The following IL23R variants were observed in gnomAD, a reference collection of about 807,000 sequenced individuals.
IL23R encodes the protein interleukin-23 receptor.
In IL23R, 34 loss-of-function variants were observed where a neutral mutation model predicts 56.9. That is an observed-to-expected ratio of 0.60 (90% CI 0.45 to 0.80). The LOEUF (loss-of-function observed/expected upper bound fraction) is 0.80, where lower values mean the gene tolerates loss of function less well. Ranked by LOEUF, IL23R falls within the 30% of genes least tolerant of loss-of-function variation. The pLI, the probability that IL23R is intolerant of heterozygous loss-of-function variation, is 0.00. For missense variants in IL23R, 635 were observed against 730.0 expected, an observed-to-expected ratio of 0.87 and a Z score of 1.50; for synonymous variants, 230 against 249.2, an observed-to-expected ratio of 0.92 and a Z score of 0.73.
chr1:67,223,914 T>A (rs1234139723), intron 7 of IL23R, among the ~76,000 whole-genome samples: 3 of 151,584 alleles, frequency 2.0e-5, no homozygotes, highest in African/African-American at 7.2e-5. Context: ...TAAAGAAGAA[T>A]TATTGCATCA....
At chr1:67,197,996 A>G (rs959873517) in intron 4 of IL23R, among the ~76,000 whole-genome samples, 1 of 152,168 alleles carries the variant, frequency 6.6e-6, no homozygotes, top group African/African-American at 2.4e-5. Context: ...TAATTTATGA[A>G]GAAAAGAGTT....
intron 9 of IL23R, among the ~76,000 whole-genome samples, chr1:67,253,336 T>G (rs567520799): frequency 1.3e-5 from 2 of 152,328 alleles, no homozygotes; most frequent in South Asian, 4.1e-4. Context: ...TTCTAAATTT[T>G]ACTGATGCAT....
At chr1:67,191,565 C>T (rs2102603660) in intron 4 of IL23R, among the ~76,000 whole-genome samples, 1 of 152,274 alleles carries the variant, frequency 6.6e-6, no homozygotes, top group Admixed American at 6.5e-5. Flanking sequence ...ATATAACCCT[C>T]CCTTTGTTCC....
chr1:67,239,139 A>G (rs760744387), intron 8 of IL23R, among the ~76,000 whole-genome samples: 1 of 152,314 alleles, frequency 6.6e-6, no homozygotes, highest in East Asian at 1.9e-4. Flanking sequence ...GGGCTTTTTC[A>G]TGTACCAGGG....
At chr1:67,183,067 C>G (rs1570801947) in intron 4 of IL23R, 108 bp downstream of exon 4, 2 of 1,200,060 alleles carry the variant, frequency 1.7e-6, no homozygotes, top group East Asian at 5.0e-5. Flanking sequence ...AAATATATAC[C>G]CTGATTTATC....
chr1:67,259,291 A>G lies in IL23R; in HGVS notation c.*163A>G. ...ATTTCCCTTGGATAAATACCTAGGTAGGGGATTGCTGGGCCATATGATAAG... is the reference window on the plus strand; with the variant it reads ...ATTTCCCTTGGATAAATACCTAGGTGGGGGATTGCTGGGCCATATGATAAG... On this transcript the variant is annotated 3_prime_UTR_variant, in exon 11 of 11. Coordinates refer to ENST00000347310, the MANE Select transcript of IL23R (RefSeq NM_144701.3). 1.4e-6 allele frequency: 1 copy of G among 704,802 alleles called. No homozygotes were observed. The highest frequency in any genetic ancestry group is 2.7e-5 in the East Asian group (1 of 36,594). 43.7% of individuals were successfully genotyped at this position (704,802 alleles called of 1,614,324 possible).
intron 1 of IL23R, 106 bp downstream of exon 1, chr1:67,166,647 A>C (rs1646876801): frequency 1.3e-5 from 2 of 152,374 alleles, no homozygotes; most frequent in Non-Finnish European, 2.9e-5. Flanking sequence ...TATTCCATGC[A>C]GTGGTTACTG....
intron 9 of IL23R, among the ~76,000 whole-genome samples, chr1:67,247,960 G>A (rs951987361): frequency 2.6e-5 from 4 of 152,218 alleles, no homozygotes; most frequent in African/African-American, 9.6e-5. Context: ...CTTCTGGCTT[G>A]TGGGGTTTCT....
At chr1:67,183,988 C>T (rs1647203884) in intron 4 of IL23R, among the ~76,000 whole-genome samples, 1 of 152,184 alleles carries the variant, frequency 6.6e-6, no homozygotes, top group African/African-American at 2.4e-5. Flanking sequence ...AATCCCAGCA[C>T]TTTGGGAGAC....
chr1:67,187,278 A>G (rs1647407011), intron 4 of IL23R, among the ~76,000 whole-genome samples: 1 of 152,188 alleles, frequency 6.6e-6, no homozygotes. Flanking sequence ...TAGTGGATGC[A>G]GGTTAATTCT....
intron 6 of IL23R, among the ~76,000 whole-genome samples, chr1:67,218,358 GTA>G (rs1270428311): frequency 6.5e-5 from 9 of 137,852 alleles, no homozygotes; most frequent in Admixed American, 1.5e-4. Flanking sequence ...GTGTGTGTGT[GTA>G]TATATATATA....
intron 7 of IL23R, among the ~76,000 whole-genome samples, chr1:67,230,062 G>T (rs138878583): frequency 6.6e-6 from 1 of 152,340 alleles, no homozygotes; most frequent in East Asian, 1.9e-4. Flanking sequence ...GGAAAAGTCT[G>T]GCGAGGACCC....
At chr1:67,231,572 T>C (rs1400709331) in intron 7 of IL23R, among the ~76,000 whole-genome samples, 2 of 152,122 alleles carry the variant, frequency 1.3e-5, no homozygotes, top group Admixed American at 6.6e-5. Context: ...TGAGTTTCGT[T>C]TGAGTCTGCA....
rs563431426 is a variant in IL23R, at chr1:67,187,792, G to A, written c.491+4833G>A. On this transcript the variant is annotated intron_variant, in intron 4 of 10. Coordinates refer to ENST00000347310, the MANE Select transcript of IL23R (RefSeq NM_144701.3). ...CAGAAAACTCAAGTGCTGGCCAGGC[G>A]CAGTGGCACACGCTTGTAATCCCAG... Among the ~76,000 whole-genome samples the A allele has an allele frequency of 3.9e-5, 6 of 152,280 alleles. No individual in the cohort carries two copies. In the South Asian group the frequency reaches 8.3e-4, roughly 21 times the overall value.
Position 67,182,409 on chromosome 1 carries a change from C to T in IL23R, c.368-427C>T, listed in dbSNP as rs181746052. 1.8e-4 allele frequency among the ~76,000 whole-genome samples: 28 copies of T among 152,316 alleles called. 1 individual carries two copies. The East Asian group carries it at 5.4e-3, about 29-fold the overall frequency. On this transcript the variant is annotated intron_variant, in intron 3 of 10. Transcript: ENST00000347310. ...ACTGCTGTGCTAGCAATGAGTGAGG[C>T]TTGATGGGCATAGGACCCTCTGAGC...
intron 6 of IL23R, among the ~76,000 whole-genome samples, chr1:67,209,528 G>C (rs1649314555): frequency 6.6e-6 from 1 of 152,110 alleles, no homozygotes; most frequent in African/African-American, 2.4e-5. Flanking sequence ...TTCCGCTTTT[G>C]CTTTTTCCTC....
chr1:67,197,405 T>C (rs1333613420), intron 4 of IL23R, among the ~76,000 whole-genome samples: 1 of 152,064 alleles, frequency 6.6e-6, no homozygotes, highest in Non-Finnish European at 1.5e-5. Context: ...AGGTAGAAAA[T>C]CTGAGAAGCT....
chr1:67,154,485 T>G lies in IL23R; in HGVS notation c.-633-13607T>G, dbSNP rs577124118. 4.6e-5 allele frequency among the ~76,000 whole-genome samples: 7 copies of G among 152,354 alleles called. No individual in the cohort carries two copies. The South Asian group carries it at 1.5e-3, about 32-fold the overall frequency. On this transcript the variant is annotated intron_variant, in intron 1 of 10. Transcript: ENST00000637002. ...ATTTAGGATAGTTAGCTCTTCTTGT[T>G]GTATTGATCCCTTTACCATTATGTA...
chr1:67,218,243 A>G (rs1649979974), intron 6 of IL23R, among the ~76,000 whole-genome samples: 1 of 150,566 alleles, frequency 6.6e-6, no homozygotes, highest in Non-Finnish European at 1.5e-5. Flanking sequence ...AACTTTCTTA[A>G]TATTTTAATT....
Sources: gnomAD v4.1 joint callset for allele counts (sites outside exome capture counted in the v4.1 genomes callset) on GRCh38, gnomAD v4.1.1 for gene constraint, MANE v1.5 for transcripts, NCBI Gene and HGNC (gene_info 2026-07-23, HGNC 2026-07-21) for gene names.